Variants in ZNF28 observed in about 807,000 individuals in gnomAD.
ZNF28 encodes zinc finger protein KOX24.
Under a neutral mutation model 7.2 loss-of-function variants are expected in ZNF28, and 5 were observed. The observed-to-expected ratio is 0.70, with a 90% confidence interval of 0.36 to 1.46. ZNF28 has a LOEUF of 1.46. Among genes scored for constraint, ZNF28 ranks in the 40% most tolerant of loss-of-function variants. The pLI is 0.03. For synonymous variants in ZNF28, 288 were observed against 292.4 expected, an observed-to-expected ratio of 0.99 and a Z score of 0.15; for missense variants, 879 against 866.6, an observed-to-expected ratio of 1.01 and a Z score of -0.18.
Position 52,798,822 on chromosome 19 carries a change from TG to T in ZNF28, c.*865del. ...TGATTTGCAATGGTTGTAGCATTACTGAAAACTTTGTGACAATCATTATATT... is the reference window on the plus strand; with the variant it reads ...TGATTTGCAATGGTTGTAGCATTACTAAAACTTTGTGACAATCATTATATT... On this transcript the variant is annotated 3_prime_UTR_variant, in exon 4 of 4. Transcript: ENST00000457749. 2 of 953,510 alleles carry T rather than the reference TG, an allele frequency of 2.1e-6. No homozygotes were observed. The highest frequency in any genetic ancestry group is 3.2e-6 in the Non-Finnish European group (2 of 629,200). 59.1% of individuals were successfully genotyped at this position (953,510 alleles called of 1,614,324 possible). A position where few individuals can be genotyped will look rare whatever the true frequency, so the allele number is the denominator to read the frequency against.
Position 52,816,533 on chromosome 19 carries a change from G to A in ZNF28, c.15+1411C>T, listed in dbSNP as rs907470274. Among the ~76,000 whole-genome samples the A allele has an allele frequency of 2.1e-4, 30 of 144,890 alleles. 3 individuals are homozygous for A. The highest frequency in any genetic ancestry group is 3.4e-4 in the Non-Finnish European group (23 of 67,344). On this transcript the variant is annotated intron_variant, in intron 2 of 3. Coordinates refer to ENST00000457749, the MANE Select transcript of ZNF28 (RefSeq NM_006969.5). ...CAAAAAATTAGCTAGGCATGGTGGC[G>A]GGTGCCTGTAGTCCCAGCTACTTGG...
intron 2 of ZNF28, chr19:52,810,136 GT>G (rs1458622360): frequency 6.8e-6 from 6 of 881,622 alleles, no homozygotes; most frequent in Non-Finnish European, 1.2e-5. Flanking sequence ...CTGGTCGAGG[GT>G]GACCCGGGGC....
chr19:52,812,787 A>AAAG (rs1462866089), intron 2 of ZNF28, among the ~76,000 whole-genome samples: 3 of 130,976 alleles, frequency 2.3e-5, no homozygotes, highest in African/African-American at 8.3e-5. Flanking sequence ...AAAAAAAAAA[A>AAAG]GTTTTAAGTG....
chr19:52,810,410 C>G, intron 2 of ZNF28: 2 of 1,604,188 alleles, frequency 1.2e-6, no homozygotes, highest in Non-Finnish European at 1.7e-6. Context: ...TACTCTGTGA[C>G]AAATTTAGTG....
rs1000150928 is a variant in ZNF28 at position 52,798,254 on chromosome 19, C to T, written c.*1434G>A. The stretch of plus-strand genomic sequence containing the variant: ...ACCTCCAGTGACCTACCAGTCTTGG[C>T]CTCTCAAAGTGCTGGCATTGCAGGC... On this transcript the variant is annotated 3_prime_UTR_variant, in exon 4 of 4. Transcript: ENST00000457749. 9 of 179,616 alleles carry T rather than the reference C, an allele frequency of 5.0e-5. No individual in the cohort carries two copies. The highest frequency in any genetic ancestry group is 8.1e-5 in the Non-Finnish European group (7 of 85,994). 11.1% of individuals were successfully genotyped at this position (179,616 alleles called of 1,614,324 possible).
intron 2 of ZNF28, chr19:52,810,422 C>T: frequency 1.9e-6 from 3 of 1,602,768 alleles, no homozygotes; most frequent in Non-Finnish European, 2.6e-6. Context: ...AATTTAGTGG[C>T]CATCCCAAAG....
rs1481697415 is a variant in ZNF28 at position 52,799,923 on chromosome 19, C to T, written c.1922G>A (p.Gly641Asp). 7 of 1,613,724 alleles carry T rather than the reference C, an allele frequency of 4.3e-6. No homozygotes were observed. Among genetic ancestry groups the T allele is most frequent in the African/African-American group, 4.0e-5 (3 of 74,990 alleles). The change falls in exon 4 of 4, where the codon GGC (glycine) becomes GAC (aspartate). Residue 641 changes from glycine (G) to aspartate (D), a missense_variant. Transcript: ENST00000457749. The stretch of plus-strand genomic sequence containing the variant: ...GGATGACATCTGACTGAAGGTCTTG[C>T]CACACTCATTACACTTGTAAGGTTT... ...GEKPYKCNEC[G>D]KTFSQMSSLV...
chr19:52,809,791 C>A (rs140094156), intron 2 of ZNF28: 59 of 502,294 alleles, frequency 1.2e-4, no homozygotes, highest in Non-Finnish European at 2.0e-4. Flanking sequence ...GGTGACAGAG[C>A]GAAAAAAAAG....
Position 52,802,717 on chromosome 19 carries a change from T to C in ZNF28, c.143-1015A>G, listed in dbSNP as rs191204544. Among the ~76,000 whole-genome samples the C allele has an allele frequency of 2.4e-3, 363 of 151,466 alleles. 3 individuals carry two copies. Among genetic ancestry groups the C allele is most frequent in the African/African-American group, 7.7e-3 (319 of 41,284 alleles). On this transcript the variant is annotated intron_variant, in intron 3 of 3. Coordinates refer to ENST00000457749, the MANE Select transcript of ZNF28 (RefSeq NM_006969.5). ...TTAATACCATATTTTTCCAAATAAC[T>C]GTTACAAAATTACCTATATCCATGT...
intron 2 of ZNF28, among the ~76,000 whole-genome samples, chr19:52,811,850 C>T (rs1157339326): frequency 2.1e-3 from 298 of 144,702 alleles, no homozygotes; most frequent in African/African-American, 7.3e-3. Flanking sequence ...AAGTGAGGAC[C>T]CCTCTGCCCG....
chr19:52,808,644 TA>T (rs540657405), intron 2 of ZNF28, among the ~76,000 whole-genome samples: 11 of 137,266 alleles, frequency 8.0e-5, no homozygotes, highest in South Asian at 2.4e-4. Flanking sequence ...AAAAAAAAAT[TA>T]AAAAAAAAAA....
At chr19:52,819,119 A>G (rs2063163627) in intron 1 of ZNF28, among the ~76,000 whole-genome samples, 1 of 139,924 alleles carries the variant, frequency 7.1e-6, no homozygotes, top group Admixed American at 7.3e-5. Flanking sequence ...GATGTTTGAA[A>G]AAAGAGAAAA....
intron 3 of ZNF28, 135 bp from the exon 4 acceptor site, chr19:52,801,837 A>C (rs376050831): frequency 1.2e-6 from 1 of 822,698 alleles, no homozygotes; most frequent in East Asian, 2.6e-5. Flanking sequence ...AAGAACACAA[A>C]AGGAGTAAGA....
rs1451097721 is a variant in ZNF28, at chr19:52,797,854, G to A, written c.*1834C>T. On this transcript the variant is annotated 3_prime_UTR_variant, in exon 4 of 4. Coordinates refer to ENST00000457749, the MANE Select transcript of ZNF28 (RefSeq NM_006969.5). ...AAACAAAAAACAGGCCAGTCACGGT[G>A]GCTCACGCCCATAATCTCAGCACTT... is the stretch of plus-strand genomic sequence containing the variant. 2 of 152,114 alleles carry A rather than the reference G, an allele frequency of 1.3e-5. No individual in the cohort carries two copies. The highest frequency in any genetic ancestry group is 4.8e-5 in the African/African-American group (2 of 41,416). 9.4% of individuals were successfully genotyped at this position (152,114 alleles called of 1,614,324 possible).
At chr19:52,803,451 T>C (rs1253855469) in intron 3 of ZNF28, among the ~76,000 whole-genome samples, 1 of 151,944 alleles carries the variant, frequency 6.6e-6, no homozygotes, top group African/African-American at 2.4e-5. Context: ...ACATATAAAG[T>C]CATAAAAATC....
chr19:52,801,790 C>G, intron 3 of ZNF28, 88 bp from the exon 4 acceptor site: 1 of 1,284,800 alleles, frequency 7.8e-7, no homozygotes, highest in Non-Finnish European at 1.1e-6. Context: ...AAAAACAATA[C>G]TTATTTTAAA....
Position 52,798,922 on chromosome 19 carries a change from C to G in ZNF28, c.*766G>C. On this transcript the variant is annotated 3_prime_UTR_variant, in exon 4 of 4. Transcript: ENST00000457749. ...ACTGCCCACTAAAGGCTTTGCCACA[C>G]TCATTGCACTTGTAAGGTTTCTCTC... 1 of 1,434,980 alleles carries G rather than the reference C, an allele frequency of 7.0e-7. No homozygotes were observed. The highest frequency in any genetic ancestry group is 9.4e-7 in the Non-Finnish European group (1 of 1,061,840). The allele number at this position is 1,434,980 out of a possible 1,614,324, so 88.9% of individuals were successfully genotyped here. A position where few individuals can be genotyped will look rare whatever the true frequency, so the allele number is the denominator to read the frequency against.
chr19:52,816,246 T>C, intron 2 of ZNF28, among the ~76,000 whole-genome samples: 1 of 147,024 alleles, frequency 6.8e-6, no homozygotes, highest in East Asian at 2.0e-4. Flanking sequence ...GGGCTGGGCA[T>C]GGTGGCTTGC....
Position 52,800,444 on chromosome 19 carries a change from G to T in ZNF28, c.1401C>A (p.Tyr467Ter), listed in dbSNP as rs760724141. 6.2e-7 allele frequency: 1 copy of T among 1,612,916 alleles called. No homozygotes were observed. The highest frequency in any genetic ancestry group is 1.1e-5 in the South Asian group (1 of 90,998). ...AAACTTTGTCACATTCTTCACATTT[G>T]TATGGTTTCTCTGCAGTATGAAGTC... ...HHRLHTAEKP[Y>*]KCEECDKVFR... Residue 467 changes from tyrosine (Y) to a stop codon, truncating the protein, a stop_gained, in exon 4 of 4, where the codon TAC (tyrosine) becomes TAA (stop). Coordinates refer to ENST00000457749, the MANE Select transcript of ZNF28 (RefSeq NM_006969.5). LOFTEE classifies it low-confidence loss of function (END_TRUNC).
Sources: gnomAD v4.1 joint callset for allele counts (sites outside exome capture counted in the v4.1 genomes callset) on GRCh38, gnomAD v4.1.1 for gene constraint, MANE v1.5 for transcripts, NCBI Gene and HGNC (gene_info 2026-07-23, HGNC 2026-07-21) for gene names.